The following SPIB variants were observed in gnomAD, a reference collection of about 807,000 sequenced individuals.
SPIB encodes transcription factor Spi-B.
A neutral mutation model predicts 31.9 loss-of-function variants in SPIB; 7 were observed. The observed-to-expected ratio is 0.22, with a 90% CI of 0.12 to 0.41. The LOEUF (loss-of-function observed/expected upper bound fraction) is 0.41. Among genes scored for constraint, SPIB ranks in the 10% least tolerant of loss-of-function variants. The pLI, the probability that SPIB is intolerant of heterozygous loss-of-function variation, is 1.00. For synonymous variants in SPIB, 176 were observed against 158.9 expected, an observed-to-expected ratio of 1.11 and a Z score of -0.81; for missense variants, 327 against 360.2, an observed-to-expected ratio of 0.91 and a Z score of 0.75.
intron 5 of SPIB, among the ~76,000 whole-genome samples, chr19:50,424,295 T>C (rs931289004): frequency 5.9e-5 from 9 of 152,150 alleles, no homozygotes; most frequent in Non-Finnish European, 1.0e-4. Context: ...AATGAGCTCA[T>C]AACTGTAAAG....
chr19:50,423,762 G>C lies in SPIB; in HGVS notation c.490+7G>C, dbSNP rs185291382. 6 of 1,596,592 alleles carry C rather than the reference G, an allele frequency of 3.8e-6. No homozygotes were observed. Among genetic ancestry groups the C allele is most frequent in the South Asian group, 2.3e-5 (2 of 88,768 alleles). On this transcript the variant is annotated splice_region_variant and intron_variant, in intron 5 of 5. Coordinates refer to ENST00000595883, the MANE Select transcript of SPIB (RefSeq NM_003121.5). Reference sequence around the variant, plus strand: ...GGGAAGGGATCCGAGGCAGGTATGCGGGAGTGGCTGGGGTGGGGGAGATGC... The same window carrying C: ...GGGAAGGGATCCGAGGCAGGTATGCCGGAGTGGCTGGGGTGGGGGAGATGC...
chr19:50,419,972 T>A lies in SPIB; in HGVS notation c.50T>A (p.Leu17Gln). Residue 17 changes from leucine to glutamine, a missense_variant and splice_region_variant, in exon 2 of 6, where the codon CTG (leucine) becomes CAG (glutamine). Transcript: ENST00000595883. ...AQLDGPHFSCLYPDGVFYDLD... is the reference protein window; with the variant it reads ...AQLDGPHFSCQYPDGVFYDLD... The stretch of plus-strand genomic sequence containing the variant: ...CTCGACGGGCCACACTTCAGCTGTC[T>A]GGTGAGTTGGGGCCCCTGGGGGCCA... 6.7e-7 allele frequency: 1 copy of A among 1,499,260 alleles called. No individual in the cohort carries two copies. Among genetic ancestry groups the A allele is most frequent in the Non-Finnish European group, 8.8e-7 (1 of 1,132,560 alleles). 92.9% of individuals were successfully genotyped at this position (1,499,260 alleles called of 1,614,324 possible).
chr19:50,422,740 A>G (rs560681005), intron 3 of SPIB, 83 bp from the exon 4 acceptor site: 390 of 1,099,796 alleles, frequency 3.5e-4, no homozygotes, highest in Non-Finnish European at 4.9e-4. Flanking sequence ...ACAGCCTACA[A>G]TGGCCTCTCT....
In SPIB at chr19:50,429,129, C is replaced by G. The variant is rs189249406; in HGVS notation, c.*793C>G. 2 of 152,138 alleles carry G rather than the reference C, an allele frequency of 1.3e-5. No individual in the cohort carries two copies. The highest frequency in any genetic ancestry group is 3.9e-4 in the East Asian group (2 of 5,190). 9.4% of individuals were successfully genotyped at this position (152,138 alleles called of 1,614,324 possible). A position where few individuals can be genotyped will look rare whatever the true frequency, so the allele number is the denominator to read the frequency against. The stretch of plus-strand genomic sequence containing the variant: ...ATCCTCCAATCACATCTGAGACCTC[C>G]TAGGCTCTCCATCTGATATGCCCTT... On this transcript the variant is annotated 3_prime_UTR_variant, in exon 6 of 6. Coordinates refer to ENST00000595883, the MANE Select transcript of SPIB (RefSeq NM_003121.5).
intron 2 of SPIB, among the ~76,000 whole-genome samples, chr19:50,420,497 C>T (rs960684630): frequency 5.3e-5 from 8 of 152,198 alleles, no homozygotes; most frequent in African/African-American, 1.9e-4. Flanking sequence ...TATCTATACA[C>T]CGTGTAGCCA....
chr19:50,425,790 G>A lies in SPIB; in HGVS notation c.490+2035G>A, dbSNP rs545401016. 5.3e-4 allele frequency among the ~76,000 whole-genome samples: 80 copies of A among 152,298 alleles called. 1 individual carries two copies. The South Asian group carries it at 0.016, about 30-fold the overall frequency. ...ATAGGTCCTGGGGCATACATGGCAC[G>A]CCTGGAGGCCACACACACCAGGTCA... is the stretch of plus-strand genomic sequence containing the variant. On this transcript the variant is annotated intron_variant, in intron 5 of 5. Transcript: ENST00000595883.
At chr19:50,427,008 T>C (rs2039573352) in intron 5 of SPIB, among the ~76,000 whole-genome samples, 1 of 151,882 alleles carries the variant, frequency 6.6e-6, no homozygotes, top group Non-Finnish European at 1.5e-5. Flanking sequence ...TGCATACTTG[T>C]AGTCCCAGCT....
In SPIB at chr19:50,419,949, C is replaced by T. The variant is rs755944464; in HGVS notation, c.27C>T (p.Leu9=). The change falls in exon 2 of 6, where the codon CTC becomes CTT. Residue 9 remains leucine, a synonymous_variant. Transcript: ENST00000595883. The part of the protein sequence containing the change: MLALEAAQ[L]DGPHFSCLYP... ...CCCTGTGTCTCTCCCCCTCCAGGCT[C>T]GACGGGCCACACTTCAGCTGTCTGG... 3.3e-6 allele frequency: 5 copies of T among 1,525,196 alleles called. No individual in the cohort carries two copies. The highest frequency in any genetic ancestry group is 4.4e-6 in the Non-Finnish European group (5 of 1,144,788). The allele number at this position is 1,525,196 out of a possible 1,614,324, so 94.5% of individuals were successfully genotyped here.
intron 1 of SPIB, among the ~76,000 whole-genome samples, chr19:50,419,317 A>G (rs1032664439): frequency 6.6e-6 from 1 of 151,638 alleles, no homozygotes; most frequent in African/African-American, 2.4e-5. Context: ...TGTATCTGGC[A>G]TCTCCCAGCT....
Position 50,419,848 on chromosome 19 carries a change from G to A in SPIB, c.24-98G>A, listed in dbSNP as rs781243495. On this transcript the variant is annotated intron_variant, in intron 1 of 5. Coordinates refer to ENST00000595883, the MANE Select transcript of SPIB (RefSeq NM_003121.5). ...TGGTCCCTCACACAGGGCTGCGGTG[G>A]TCACAGCTGCTGCCGCCTCCCCATC... 13 of 1,311,692 alleles carry A rather than the reference G, an allele frequency of 9.9e-6. No individual in the cohort carries two copies. The South Asian group carries it at 1.3e-4, about 13-fold the overall frequency. 81.3% of individuals were successfully genotyped at this position (1,311,692 alleles called of 1,614,324 possible).
intron 4 of SPIB, 112 bp from the exon 5 acceptor site, chr19:50,423,493 T>G: frequency 7.0e-7 from 1 of 1,435,652 alleles, no homozygotes; most frequent in East Asian, 2.3e-5. Context: ...AAATCTAGGC[T>G]GTCAACAAAG....
chr19:50,419,860 G>A, intron 1 of SPIB, 86 bp from the exon 2 acceptor site: 1 of 1,407,738 alleles, frequency 7.1e-7, no homozygotes, highest in East Asian at 3.0e-5. Flanking sequence ...CACAGCTGCT[G>A]CCGCCTCCCC....
chr19:50,422,696 C>T lies in SPIB; in HGVS notation c.125-127C>T, dbSNP rs1373616750. 31 of 1,061,152 alleles carry T rather than the reference C, an allele frequency of 2.9e-5. No homozygotes were observed. In the East Asian group the frequency reaches 6.9e-4, roughly 24 times the overall value. The allele number at this position is 1,061,152 out of a possible 1,614,324, so 65.7% of individuals were successfully genotyped here. A position where few individuals can be genotyped will look rare whatever the true frequency, so the allele number is the denominator to read the frequency against. Reference sequence around the variant, plus strand: ...TCCCCTTTCCTCTCCTACCCATCCGCTCCTCCATGCAAATCCTGGGGTCAG... The same window carrying T: ...TCCCCTTTCCTCTCCTACCCATCCGTTCCTCCATGCAAATCCTGGGGTCAG... On this transcript the variant is annotated intron_variant, in intron 3 of 5. Transcript: ENST00000595883.
intron 5 of SPIB, among the ~76,000 whole-genome samples, chr19:50,426,524 C>T (rs558095237): frequency 1.3e-5 from 2 of 152,188 alleles, no homozygotes; most frequent in Admixed American, 6.5e-5. Flanking sequence ...GAGGGAGTTT[C>T]GCTCTTGTTG....
At chr19:50,422,414 G>A in intron 2 of SPIB, 59 bp from the exon 3 acceptor site, 2 of 1,524,398 alleles carry the variant, frequency 1.3e-6, no homozygotes, top group South Asian at 1.1e-5. Flanking sequence ...GTCCAGGGTG[G>A]GGGTTGGGAG....
At chr19:50,421,554 C>T (rs1234361523) in intron 2 of SPIB, among the ~76,000 whole-genome samples, 1 of 151,820 alleles carries the variant, frequency 6.6e-6, no homozygotes, top group African/African-American at 2.4e-5. Flanking sequence ...ATCTCCTGAC[C>T]TCATGATCTG....
Position 50,431,269 on chromosome 19 carries a change from G to A in SPIB, c.*2933G>A, listed in dbSNP as rs2039637900. On this transcript the variant is annotated 3_prime_UTR_variant, in exon 6 of 6. Coordinates refer to ENST00000595883, the MANE Select transcript of SPIB (RefSeq NM_003121.5). ...GAAACCAGCCTGGGCAAGATAGTGA[G>A]ATCCCCTTCCCACCCGTCTACAAAA... The A allele has an allele frequency of 6.6e-6, 1 of 152,248 alleles. No individual in the cohort carries two copies. The highest frequency in any genetic ancestry group is 2.4e-5 in the African/African-American group (1 of 41,406). The allele number at this position is 152,248 out of a possible 1,614,324, so 9.4% of individuals were successfully genotyped here. A position where few individuals can be genotyped will look rare whatever the true frequency, so the allele number is the denominator to read the frequency against.
chr19:50,427,867 C>CCA (rs55641503), intron 5 of SPIB, among the ~76,000 whole-genome samples, 171 bp from the exon 6 acceptor site: 56,522 of 141,418 alleles, frequency 0.4, 13,749 homozygotes, highest in Middle Eastern at 0.63. Context: ...TGCCCCCCCC[C>CCA]CCCCCCGTGG....
intron 1 of SPIB, 126 bp from the exon 2 acceptor site, chr19:50,419,820 G>A (rs561910199): frequency 3.2e-6 from 3 of 942,668 alleles, no homozygotes; most frequent in South Asian, 3.9e-5. Context: ...AATGTGGTGG[G>A]GCTGGTCCCT....
Sources: allele counts gnomAD v4.1 joint callset (sites outside exome capture counted in the v4.1 genomes callset), GRCh38; gene constraint gnomAD v4.1.1; transcripts MANE v1.5; gene names NCBI Gene and HGNC (gene_info 2026-07-23, HGNC 2026-07-21).